PTPRB: variants seen among roughly 807,000 people sequenced by gnomAD.
The protein encoded by PTPRB is protein tyrosine phosphatase receptor type B.
A neutral mutation model predicts 238.1 loss-of-function variants in PTPRB; 97 were observed. The observed-to-expected ratio is 0.41, with a 90% CI of 0.35 to 0.48. The LOEUF (loss-of-function observed/expected upper bound fraction) is 0.48. PTPRB is among the 20% of genes least tolerant of loss of function. PTPRB has a pLI of 0.30. For missense variants in PTPRB, 2,292 were observed against 2,681.9 expected (o/e 0.85, Z 3.21); for synonymous variants, 970 against 995.4 (o/e 0.97, Z 0.48).
Position 70,520,154 on chromosome 12 carries a change from G to A in PTPRB, c.*1335C>T. 5 of 450,900 alleles carry A rather than the reference G, an allele frequency of 1.1e-5. No individual in the cohort carries two copies. Among genetic ancestry groups the A allele is most frequent in the South Asian group, 8.1e-5 (5 of 62,064 alleles). 27.9% of individuals were successfully genotyped at this position (450,900 alleles called of 1,614,324 possible). On this transcript the variant is annotated 3_prime_UTR_variant, in exon 34 of 34. Transcript: ENST00000334414. ...AAACATCTCCAGCTCATCTTCTCAG[G>A]TATCTATGAAGATTCCGTACAAACT... is the stretch of plus-strand genomic sequence containing the variant.
At chr12:70,568,207 C>T (rs1373772630) in intron 14 of PTPRB, among the ~76,000 whole-genome samples, 2 of 152,162 alleles carry the variant, frequency 1.3e-5, no homozygotes, top group African/African-American at 4.8e-5. Context: ...TTAGCACGTA[C>T]CATGTTTTAC....
intron 2 of PTPRB, among the ~76,000 whole-genome samples, chr12:70,624,745 G>A (rs374828782): frequency 9.9e-5 from 15 of 152,070 alleles, no homozygotes; most frequent in African/African-American, 2.2e-4. Context: ...AAATTTAACC[G>A]TGGGGTTAGG....
At chr12:70,567,604 A>G (rs970408276) in intron 14 of PTPRB, among the ~76,000 whole-genome samples, 1 of 152,146 alleles carries the variant, frequency 6.6e-6, no homozygotes, top group African/African-American at 2.4e-5. Flanking sequence ...ACCACATCAT[A>G]CCCTTTAGCA....
Position 70,529,918 on chromosome 12 carries a change from A to C in PTPRB, c.6504+2117T>G, listed in dbSNP as rs536661107. 5.9e-5 allele frequency among the ~76,000 whole-genome samples: 9 copies of C among 152,154 alleles called. 1 individual carries two copies. The South Asian group carries it at 1.9e-3, about 32-fold the overall frequency. On this transcript the variant is annotated intron_variant, in intron 32 of 33. Coordinates refer to ENST00000334414, the MANE Select transcript of PTPRB (RefSeq NM_001109754.4). Reference sequence around the variant, plus strand: ...GCATTGAGTTTAATCAGGCCTCTAGATCTAACCACCAGCTGACAAAATCCA... The same window carrying C: ...GCATTGAGTTTAATCAGGCCTCTAGCTCTAACCACCAGCTGACAAAATCCA...
chr12:70,543,184 G>T (rs1297622877), intron 22 of PTPRB: 1 of 151,976 alleles, frequency 6.6e-6, no homozygotes. Flanking sequence ...CTAATCCAAG[G>T]TTACAAAGAT....
intron 32 of PTPRB, among the ~76,000 whole-genome samples, chr12:70,529,331 T>C (rs1872835445): frequency 6.6e-6 from 1 of 152,234 alleles, no homozygotes. Flanking sequence ...GGGGCAGGTG[T>C]ATGGAGGTGA....
In PTPRB at chr12:70,624,563, T is replaced by A. The variant is rs541827268; in HGVS notation, c.452-1917A>T. Reference sequence around the variant, plus strand: ...AGGAAACAATCTTAATTCTGCAGTCTTGCTTAAGTTAGGTGCTTGAACGTT... The same window carrying A: ...AGGAAACAATCTTAATTCTGCAGTCATGCTTAAGTTAGGTGCTTGAACGTT... On this transcript the variant is annotated intron_variant, in intron 2 of 33. Transcript: ENST00000334414. Among the ~76,000 whole-genome samples the A allele has an allele frequency of 5.1e-4, 78 of 152,330 alleles. 1 individual carries two copies. The highest frequency in any genetic ancestry group is 9.7e-4 in the Non-Finnish European group (66 of 68,016).
In PTPRB at chr12:70,560,723, C is replaced by T; in HGVS notation, c.4380G>A (p.Val1460=). 4 of 1,613,944 alleles carry T rather than the reference C, an allele frequency of 2.5e-6. No individual in the cohort carries two copies. The highest frequency in any genetic ancestry group is 3.4e-6 in the Non-Finnish European group (4 of 1,179,868). ...TGCTGAGATCTCCACTGTGAGTTAC[C>T]ACCCACAGCACGTACTTCCTTCCAG... ...LVPGRKYVLW[V]VTHSGDLSNK... is the part of the protein sequence containing the mutation. Residue 1460 remains valine (V), a synonymous_variant, in exon 17 of 34, where the codon GTG becomes GTA. Transcript: ENST00000334414. This position sits in a 1 kb window ranked among gnomAD's most constrained non-coding sequence, Gnocchi z 4.2.
intron 2 of PTPRB, among the ~76,000 whole-genome samples, chr12:70,631,068 G>GA (rs1300758785): frequency 2.6e-5 from 4 of 152,134 alleles, no homozygotes; most frequent in South Asian, 4.2e-4. Context: ...CACAGAATTG[G>GA]AAAAAACTAC....
chr12:70,532,107 G>A lies in PTPRB; in HGVS notation c.6432C>T (p.Ser2144=), dbSNP rs775288558. Reference sequence around the variant, plus strand: ...CTCCATAAATGTCCACAGAGTCTTTGGAGTCTAACTGCTGGAGGATTCGGT... The same window carrying A: ...CTCCATAAATGTCCACAGAGTCTTTAGAGTCTAACTGCTGGAGGATTCGGT... ...ALDRILQQLD[S]KDSVDIYGAV... Residue 2144 remains serine, a synonymous_variant, in exon 32 of 34, where the codon TCC becomes TCT. Transcript: ENST00000334414. 1 of 1,613,890 alleles carries A rather than the reference G, an allele frequency of 6.2e-7. No homozygotes were observed. Among genetic ancestry groups the A allele is most frequent in the Non-Finnish European group, 8.5e-7 (1 of 1,179,852 alleles).
chr12:70,632,241 T>C (rs1028194856), intron 2 of PTPRB, among the ~76,000 whole-genome samples: 1 of 151,498 alleles, frequency 6.6e-6, no homozygotes, highest in African/African-American at 2.4e-5. Context: ...TGGAATACTA[T>C]TGCAGCCATA....
intron 23 of PTPRB, 71 bp downstream of exon 23, chr12:70,540,787 A>G: frequency 9.1e-7 from 1 of 1,103,014 alleles, no homozygotes; most frequent in Non-Finnish European, 1.3e-6. Context: ...CTTAGTTTTC[A>G]GCCTAAAGGG....
intron 22 of PTPRB, chr12:70,542,014 T>C (rs958934853): frequency 3.3e-5 from 5 of 152,150 alleles, no homozygotes; most frequent in African/African-American, 1.2e-4. Context: ...CTAGGTTTAA[T>C]ATTTCTATAA....
rs1379112475 is a variant in PTPRB, at chr12:70,518,121, TG to T, written c.*3367del. On this transcript the variant is annotated 3_prime_UTR_variant, in exon 34 of 34. Coordinates refer to ENST00000334414, the MANE Select transcript of PTPRB (RefSeq NM_001109754.4). ...AACTGCCCCGAAAATGTCTGTGTGC[TG>T]TGTGCCTTTTAGTATTTAAAAGTGA... 6.6e-6 allele frequency: 1 copy of T among 152,218 alleles called. No homozygotes were observed. Among genetic ancestry groups the T allele is most frequent in the Non-Finnish European group, 1.5e-5 (1 of 68,054 alleles). The allele number at this position is 152,218 out of a possible 1,614,324, so 9.4% of individuals were successfully genotyped here.
At chr12:70,548,737 C>A (rs1381772225) in intron 21 of PTPRB, among the ~76,000 whole-genome samples, 1 of 152,198 alleles carries the variant, frequency 6.6e-6, no homozygotes, top group Non-Finnish European at 1.5e-5. Flanking sequence ...ACTTAGCACC[C>A]ACCCACAGTC....
chr12:70,521,575 T>G, intron 33 of PTPRB, 64 bp from the exon 34 acceptor site: 1 of 1,375,990 alleles, frequency 7.3e-7, no homozygotes, highest in South Asian at 1.6e-5. Flanking sequence ...TTACGCTGTT[T>G]ATGAAAATTA....
intron 4 of PTPRB, among the ~76,000 whole-genome samples, chr12:70,608,237 ATGAAGAC>A (rs1210539264): frequency 1.3e-5 from 2 of 152,242 alleles, no homozygotes; most frequent in Non-Finnish European, 2.9e-5. Flanking sequence ...AATAGAGATA[ATGAAGAC>A]TAATGAAGTC....
intron 7 of PTPRB, among the ~76,000 whole-genome samples, chr12:70,591,314 G>C (rs979145559): frequency 9.9e-5 from 15 of 151,980 alleles, no homozygotes; most frequent in African/African-American, 3.6e-4. Context: ...TCTTACTTCA[G>C]ATCTCTAATA....
At chr12:70,538,847 G>C in intron 27 of PTPRB, 77 bp downstream of exon 27, 1 of 1,153,376 alleles carries the variant, frequency 8.7e-7, no homozygotes, top group Non-Finnish European at 1.3e-6. Flanking sequence ...TATTTCTTTA[G>C]CCTCATTTCA....
Sources: allele counts gnomAD v4.1 joint callset (sites outside exome capture counted in the v4.1 genomes callset), GRCh38; gene constraint gnomAD v4.1.1; non-coding constraint Gnocchi (gnomAD v3.1); transcripts MANE v1.5; gene names NCBI Gene and HGNC (gene_info 2026-07-23, HGNC 2026-07-21).